NUDT7: variants seen among roughly 807,000 people sequenced by gnomAD.
NUDT7 encodes nudix hydrolase 7.
A neutral mutation model predicts 13.1 loss-of-function variants in NUDT7; 19 were observed. The observed-to-expected ratio is 1.45, with a 90% confidence interval of 1.01 to 2.13. NUDT7 has a LOEUF of 2.13. NUDT7 is among the 30% of genes most tolerant of loss of function. The pLI, the probability that NUDT7 is intolerant of heterozygous loss-of-function variation, is 0.00. For missense variants in NUDT7, 360 were observed against 291.7 expected (o/e 1.23, Z -1.71); for synonymous variants, 132 against 109.7 (o/e 1.20, Z -1.27).
At position 77,741,975 on chromosome 16, in the gene NUDT7, C is replaced by G; in HGVS notation, c.*25C>G. ...ATTTACTAGAGCAAGAGACAAAGAACTATTCACGAGGATTCTGTGTGTGCT... is the reference window on the plus strand; with the variant it reads ...ATTTACTAGAGCAAGAGACAAAGAAGTATTCACGAGGATTCTGTGTGTGCT... On this transcript the variant is annotated 3_prime_UTR_variant, in exon 4 of 4. Coordinates refer to ENST00000268533, the MANE Select transcript of NUDT7 (RefSeq NM_001105663.3). The G allele has an allele frequency of 3.2e-6, 5 of 1,549,098 alleles. No individual in the cohort carries two copies. The highest frequency in any genetic ancestry group is 4.3e-6 in the Non-Finnish European group (5 of 1,153,092).
Position 77,722,532 on chromosome 16 carries a change from C to T in NUDT7, c.-51C>T, listed in dbSNP as rs749661155. ...CAGAGCTGCTCTGCGCAAGCGCGACCGACCGAGCAGCTCCGAGGAGTCCGC... is the reference window on the plus strand; with the variant it reads ...CAGAGCTGCTCTGCGCAAGCGCGACTGACCGAGCAGCTCCGAGGAGTCCGC... On this transcript the variant is annotated 5_prime_UTR_variant, in exon 1 of 4. Transcript: ENST00000268533. 6.5e-7 allele frequency: 1 copy of T among 1,540,558 alleles called. No homozygotes were observed. The highest frequency in any genetic ancestry group is 2.4e-5 in the East Asian group (1 of 41,370).
intron 3 of NUDT7, among the ~76,000 whole-genome samples, chr16:77,737,076 G>C (rs775213044): frequency 1.4e-4 from 22 of 152,078 alleles, no homozygotes; most frequent in Non-Finnish European, 2.6e-4. Flanking sequence ...CATAGACCTA[G>C]TTTCCCCTGT....
At chr16:77,736,046 C>G (rs745708228) in intron 3 of NUDT7, 60 bp downstream of exon 3, 3 of 1,482,134 alleles carry the variant, frequency 2.0e-6, no homozygotes, top group Admixed American at 1.7e-5. Flanking sequence ...ATCTACTGTT[C>G]TCAGGATTCC....
At chr16:77,732,850 C>T (rs896521128) in intron 2 of NUDT7, among the ~76,000 whole-genome samples, 1 of 152,150 alleles carries the variant, frequency 6.6e-6, no homozygotes, top group African/African-American at 2.4e-5. Flanking sequence ...CTGATGACTG[C>T]TTGGAGGTGC....
intron 3 of NUDT7, among the ~76,000 whole-genome samples, chr16:77,738,542 G>A (rs1308105633): frequency 6.6e-6 from 1 of 152,140 alleles, no homozygotes; most frequent in Non-Finnish European, 1.5e-5. Flanking sequence ...AACCTGGAGT[G>A]ATTTTTCAAC....
At chr16:77,740,345 C>T (rs1180511414) in intron 3 of NUDT7, among the ~76,000 whole-genome samples, 5 of 152,246 alleles carry the variant, frequency 3.3e-5, no homozygotes, top group South Asian at 4.1e-4. Flanking sequence ...ATGTGTCTAC[C>T]TCTCTGGCTT....
In NUDT7 at chr16:77,725,640, G is replaced by T. The variant is rs778423176; in HGVS notation, c.189+56G>T. 4 of 1,547,772 alleles carry T rather than the reference G, an allele frequency of 2.6e-6. No homozygotes were observed. In the South Asian group the frequency reaches 4.8e-5, roughly 18 times the overall value. ...ACCTCAGGACATCAGAAGACCTCAC[G>T]AGATTTTGTCACTTGCACACACTTT... On this transcript the variant is annotated intron_variant, in intron 2 of 3. Transcript: ENST00000268533.
rs1305908186 is a variant in NUDT7, at chr16:77,722,589, C to A, written c.7C>A (p.Arg3=). 6.3e-7 allele frequency: 1 copy of A among 1,592,788 alleles called. No homozygotes were observed. Among genetic ancestry groups the A allele is most frequent in the Non-Finnish European group, 8.6e-7 (1 of 1,169,148 alleles). MS[R]LGLPEEPVRN... ...ACAAACATTCCCCAGGGCAATGTCA[C>A]GACTTGGTCTTCCCGAGGAGCCAGT... is the stretch of plus-strand genomic sequence containing the variant. Residue 3 remains arginine (R), a synonymous_variant, in exon 1 of 4, where the codon CGA becomes AGA. Transcript: ENST00000268533.
chr16:77,727,787 G>A (rs547728147), intron 2 of NUDT7, among the ~76,000 whole-genome samples: 47 of 152,268 alleles, frequency 3.1e-4, no homozygotes, highest in African/African-American at 1.1e-3. Context: ...AACCTGGGAG[G>A]TGGAGGTTGC....
At chr16:77,734,739 C>T (rs903212628) in intron 2 of NUDT7, among the ~76,000 whole-genome samples, 3 of 152,000 alleles carry the variant, frequency 2.0e-5, no homozygotes, top group Admixed American at 6.6e-5. Context: ...TACCAATACA[C>T]GTAGAACATG....
At position 77,725,546 on chromosome 16, in the gene NUDT7, G is replaced by A. The variant is rs758183130; in HGVS notation, c.151G>A (p.Gly51Arg). 3 of 1,614,080 alleles carry A rather than the reference G, an allele frequency of 1.9e-6. No homozygotes were observed. Among genetic ancestry groups the A allele is most frequent in the Non-Finnish European group, 2.5e-6 (3 of 1,180,014 alleles). Residue 51 changes from glycine to arginine, a missense_variant, in exon 2 of 4, where the codon GGA becomes AGA. Gly to Arg is a moderately radical substitution (Grantham distance 125, BLOSUM62 -2). Transcript: ENST00000268533. ...SVLLPLVAKE[G>R]KLHLLFTVRS... ...CCTTTTGCCATTGGTGGCTAAAGAA[G>A]GAAAACTCCATTTGTTGTTCACCGT...
At chr16:77,736,083 G>A (rs2014476672) in intron 3 of NUDT7, 97 bp downstream of exon 3, 2 of 1,146,520 alleles carry the variant, frequency 1.7e-6, no homozygotes, top group Admixed American at 4.0e-5. Context: ...ACCCCAAAGA[G>A]TACTGTACAT....
intron 2 of NUDT7, among the ~76,000 whole-genome samples, chr16:77,729,576 A>C (rs2014247596): frequency 6.6e-6 from 1 of 152,190 alleles, no homozygotes; most frequent in Admixed American, 6.5e-5. Flanking sequence ...CTGTAATCCC[A>C]GCATTTTGAG....
At chr16:77,734,645 T>C (rs1297935219) in intron 2 of NUDT7, among the ~76,000 whole-genome samples, 4 of 151,884 alleles carry the variant, frequency 2.6e-5, no homozygotes, top group African/African-American at 7.3e-5. Context: ...AAAGAGTAGC[T>C]TACCTGCCCA....
At chr16:77,726,334 C>T (rs946871887) in intron 2 of NUDT7, among the ~76,000 whole-genome samples, 6 of 152,222 alleles carry the variant, frequency 3.9e-5, no homozygotes, top group Non-Finnish European at 8.8e-5. Context: ...AACCCAGGTA[C>T]TTGGCAAGGA....
In NUDT7 at chr16:77,741,775, A is replaced by T. The variant is rs16946429; in HGVS notation, c.542A>T (p.Glu181Val). ...INHIFEYTNP[E>V]DGVTYQIKGM... Reference sequence around the variant, plus strand: ...CATATCTTTGAGTACACAAACCCTGAAGACGGTGTCACTTACCAGATCAAG... The same window carrying T: ...CATATCTTTGAGTACACAAACCCTGTAGACGGTGTCACTTACCAGATCAAG... Residue 181 changes from glutamate (E) to valine (V), a missense_variant, in exon 4 of 4, where the codon GAA becomes GTA. Physicochemically the swap from Glu to Val is moderately radical, Grantham distance 121. Transcript: ENST00000268533. The T allele has an allele frequency of 1.2e-6, 2 of 1,614,006 alleles. No individual in the cohort carries two copies. Among genetic ancestry groups the T allele is most frequent in the Admixed American group, 1.7e-5 (1 of 59,994 alleles).
intron 3 of NUDT7, 32 bp from the exon 4 acceptor site, chr16:77,741,550 C>CTTAAT (rs1410311785): frequency 1.9e-6 from 3 of 1,551,764 alleles, no homozygotes; most frequent in Non-Finnish European, 2.6e-6. Context: ...CACTTCACTT[C>CTTAAT]TTAATTTGTC....
Position 77,722,603 on chromosome 16 carries a change from C to G in NUDT7, c.21C>G (p.Pro7=), listed in dbSNP as rs775173746. The change falls in exon 1 of 4, where the codon CCC becomes CCG. Residue 7 remains proline (P), a synonymous_variant. Transcript: ENST00000268533. ...GGGCAATGTCACGACTTGGTCTTCC[C>G]GAGGAGCCAGTCAGGTAAAGGCTTT... is the stretch of plus-strand genomic sequence containing the variant. MSRLGL[P]EEPVRNSLLD... is the part of the protein sequence containing the mutation. 12 of 1,594,210 alleles carry G rather than the reference C, an allele frequency of 7.5e-6. No homozygotes were observed. The highest frequency in any genetic ancestry group is 1.0e-5 in the Non-Finnish European group (12 of 1,169,936).
In NUDT7 at chr16:77,740,471, C is replaced by T. The variant is rs568129297; in HGVS notation, c.349-1111C>T. On this transcript the variant is annotated intron_variant, in intron 3 of 3. Transcript: ENST00000268533. ...TCCTCACTCAGCCCCAGGCCTCCCT[C>T]TCAGGGTTTCCAGTATAACAAAACA... Among the ~76,000 whole-genome samples the T allele has an allele frequency of 3.9e-5, 6 of 152,322 alleles. No homozygotes were observed. In the East Asian group the frequency reaches 5.8e-4, roughly 15 times the overall value.
Sources: gnomAD v4.1 joint callset for allele counts (sites outside exome capture counted in the v4.1 genomes callset) on GRCh38, gnomAD v4.1.1 for gene constraint, MANE v1.5 for transcripts, NCBI Gene and HGNC (gene_info 2026-07-23, HGNC 2026-07-21) for gene names.